The following PLCB1 variants were observed in gnomAD, a reference collection of about 807,000 sequenced individuals.
PLCB1 encodes the protein 1-phosphatidylinositol 4,5-bisphosphate phosphodiesterase beta-1.
A neutral mutation model predicts 161.8 loss-of-function variants in PLCB1; 46 were observed. The observed-to-expected ratio is 0.28, with a 90% confidence interval of 0.22 to 0.36. PLCB1 has a LOEUF of 0.36. Among genes scored for constraint, PLCB1 ranks in the 10% least tolerant of loss-of-function variants. The pLI is 1.00. For synonymous variants in PLCB1, 517 were observed against 503.7 expected (o/e 1.03, Z -0.35); for missense variants, 1,016 against 1,472.5 (o/e 0.69, Z 5.07).
intron 2 of PLCB1, among the ~76,000 whole-genome samples, chr20:8,324,037 A>C (rs1014281056): frequency 6.6e-6 from 1 of 152,158 alleles, no homozygotes; most frequent in Admixed American, 6.5e-5. Context: ...CAAGAAAAAC[A>C]TATGTACTAT....
rs71183092 is a variant in PLCB1 at position 8,486,481 on chromosome 20, A to ATTTTTT, written c.246+115052_246+115057dup. Among the ~76,000 whole-genome samples the ATTTTTT allele has an allele frequency of 1.4e-4, 12 of 85,810 alleles. 1 individual carries two copies. The highest frequency in any genetic ancestry group is 5.0e-4 in the African/African-American group (11 of 21,836). 56.3% of individuals were successfully genotyped at this position (85,810 alleles called of 152,430 possible). A position where few individuals can be genotyped will look rare whatever the true frequency, so the allele number is the denominator to read the frequency against. ...CTCTCAGCTGCTTTTATTCCAAAAT[A>ATTTTTT]TTTTTTTTTTTTTTTTTTTTTTTTT... On this transcript the variant is annotated intron_variant, in intron 3 of 31. Coordinates refer to ENST00000338037, the MANE Select transcript of PLCB1 (RefSeq NM_015192.4).
chr20:8,448,188 G>A (rs1372249163), intron 3 of PLCB1, among the ~76,000 whole-genome samples: 1 of 152,114 alleles, frequency 6.6e-6, no homozygotes, highest in African/African-American at 2.4e-5. Context: ...TCCTTTTCTT[G>A]AACAGAATGA....
In PLCB1 at chr20:8,551,214, GA is replaced by G. The variant is rs199743495; in HGVS notation, c.247-77072del. Among the ~76,000 whole-genome samples the G allele has an allele frequency of 2.5e-3, 385 of 151,774 alleles. 4 individuals carry two copies. Among genetic ancestry groups the G allele is most frequent in the Admixed American group, 0.017 (264 of 15,238 alleles). On this transcript the variant is annotated intron_variant, in intron 3 of 31. Transcript: ENST00000338037. The stretch of plus-strand genomic sequence containing the variant: ...GGTTAGCTATAACCAAAAATATGAG[GA>G]AAAAAAACATGATCTCTGCCAGAAG...
At position 8,443,042 on chromosome 20, in the gene PLCB1, C is replaced by T. The variant is rs1257862434; in HGVS notation, c.246+71592C>T. ...TTGCCCAGGCTGGAGTGCAGTGGCACGATCTCAGCTCACTGCAATATCTGC... is the reference window on the plus strand; with the variant it reads ...TTGCCCAGGCTGGAGTGCAGTGGCATGATCTCAGCTCACTGCAATATCTGC... On this transcript the variant is annotated intron_variant, in intron 3 of 31. Transcript: ENST00000338037. Among the ~76,000 whole-genome samples, 6 of 150,838 alleles carry T rather than the reference C, an allele frequency of 4.0e-5. No individual in the cohort carries two copies. In the East Asian group the frequency reaches 1.2e-3, roughly 29 times the overall value.
intron 3 of PLCB1, among the ~76,000 whole-genome samples, chr20:8,534,220 C>T (rs190165718): frequency 6.6e-6 from 1 of 152,244 alleles, no homozygotes; most frequent in Admixed American, 6.5e-5. Flanking sequence ...CTCCTAGCCT[C>T]CCCAGCAGCT....
intron 9 of PLCB1, among the ~76,000 whole-genome samples, chr20:8,673,018 A>C (rs1989988609): frequency 6.6e-6 from 1 of 152,058 alleles, no homozygotes; most frequent in Non-Finnish European, 1.5e-5. Context: ...AGGCTGAGGC[A>C]GGAGAATCGC....
At chr20:8,652,916 T>C (rs1261131962) in intron 7 of PLCB1, 1 of 152,146 alleles carries the variant, frequency 6.6e-6, no homozygotes, top group Non-Finnish European at 1.5e-5. Flanking sequence ...AAGCAATTAC[T>C]GTCCTTCTGT....
intron 2 of PLCB1, among the ~76,000 whole-genome samples, chr20:8,238,471 A>G (rs530620894): frequency 1.1e-4 from 16 of 152,138 alleles, no homozygotes; most frequent in African/African-American, 1.9e-4. Flanking sequence ...TATCATTCAC[A>G]TAAACTACAT....
At chr20:8,591,563 A>C (rs1321077147) in intron 3 of PLCB1, among the ~76,000 whole-genome samples, 2 of 152,210 alleles carry the variant, frequency 1.3e-5, no homozygotes, top group East Asian at 3.9e-4. Context: ...GCCCAAGTAG[A>C]ATGTCCAGCT....
chr20:8,511,616 T>C (rs986282239), intron 3 of PLCB1, among the ~76,000 whole-genome samples: 2 of 152,194 alleles, frequency 1.3e-5, no homozygotes, highest in African/African-American at 2.4e-5. Flanking sequence ...CCTAATTGGC[T>C]ATACTAGTTT....
chr20:8,877,339 C>A (rs1035718527), intron 31 of PLCB1, among the ~76,000 whole-genome samples: 1 of 152,170 alleles, frequency 6.6e-6, no homozygotes, highest in Non-Finnish European at 1.5e-5. Context: ...AGATTTAAAT[C>A]TGTTAGGGGA....
chr20:8,878,191 G>T (rs1490259528), intron 31 of PLCB1, among the ~76,000 whole-genome samples: 1 of 152,150 alleles, frequency 6.6e-6, no homozygotes, highest in Non-Finnish European at 1.5e-5. Context: ...ATCCATAGCT[G>T]AAGGTCCCCC....
chr20:8,679,606 T>C (rs887910617), intron 9 of PLCB1, among the ~76,000 whole-genome samples: 1 of 152,228 alleles, frequency 6.6e-6, no homozygotes, highest in Non-Finnish European at 1.5e-5. Context: ...TTTGAATTGA[T>C]GTCTTTCTGA....
chr20:8,624,634 G>A (rs1219072152), intron 3 of PLCB1, among the ~76,000 whole-genome samples: 1 of 152,144 alleles, frequency 6.6e-6, no homozygotes, highest in East Asian at 1.9e-4. Context: ...CTTCTTAGGT[G>A]TAGAACAGTC....
chr20:8,228,658 C>T (rs1408115468), intron 2 of PLCB1, among the ~76,000 whole-genome samples: 1 of 149,420 alleles, frequency 6.7e-6, no homozygotes, highest in Admixed American at 6.7e-5. Flanking sequence ...TACAGATGTG[C>T]ACCACCACGC....
chr20:8,635,445 C>T (rs1600213237), intron 4 of PLCB1, among the ~76,000 whole-genome samples: 1 of 152,162 alleles, frequency 6.6e-6, no homozygotes, highest in Admixed American at 6.5e-5. Context: ...GGCCCCTTAG[C>T]AGATTGGTTG....
chr20:8,387,032 C>A (rs961494299), intron 3 of PLCB1, among the ~76,000 whole-genome samples: 2 of 152,216 alleles, frequency 1.3e-5, no homozygotes, highest in African/African-American at 4.8e-5. Context: ...CTGGTTTGAT[C>A]TTCTATCCAG....
chr20:8,866,499 G>A (rs1452615408), intron 31 of PLCB1, among the ~76,000 whole-genome samples: 5 of 152,178 alleles, frequency 3.3e-5, no homozygotes. Context: ...GACCTGCATG[G>A]TGTTTTGTAA....
At chr20:8,514,812 T>C (rs1984045361) in intron 3 of PLCB1, among the ~76,000 whole-genome samples, 1 of 152,194 alleles carries the variant, frequency 6.6e-6, no homozygotes, top group Non-Finnish European at 1.5e-5. Flanking sequence ...TCATGTAAAG[T>C]AATTTTTCCA....
Sources: gnomAD v4.1 joint callset for allele counts (sites outside exome capture counted in the v4.1 genomes callset) on GRCh38, gnomAD v4.1.1 for gene constraint, MANE v1.5 for transcripts, NCBI Gene and HGNC (gene_info 2026-07-23, HGNC 2026-07-21) for gene names.